MCTP1: variants seen among roughly 807,000 people sequenced by gnomAD.
MCTP1 encodes multiple C2 and transmembrane domain-containing protein 1.
Under a neutral mutation model 120.6 loss-of-function variants are expected in MCTP1, and 69 were observed. That is an observed-to-expected ratio of 0.57 (90% CI 0.47 to 0.70). MCTP1 has a LOEUF of 0.70. Ranked by LOEUF, MCTP1 falls within the 30% of genes least tolerant of loss-of-function variation. MCTP1 has a pLI of 0.00. For synonymous variants in MCTP1, 529 were observed against 493.1 expected, an observed-to-expected ratio of 1.07 and a Z score of -0.96; for missense variants, 1,203 against 1,248.8, an observed-to-expected ratio of 0.96 and a Z score of 0.55.
At chr5:95,209,873 CT>C (rs1282009623) in intron 1 of MCTP1, among the ~76,000 whole-genome samples, 2 of 152,190 alleles carry the variant, frequency 1.3e-5, no homozygotes, top group African/African-American at 4.8e-5. Context: ...TATGTTGTGT[CT>C]TTGTTCTTGT....
intron 1 of MCTP1, among the ~76,000 whole-genome samples, chr5:95,133,112 C>T (rs1759171502): frequency 1.3e-5 from 2 of 152,100 alleles, no homozygotes; most frequent in South Asian, 2.1e-4. Context: ...ATCATAAATA[C>T]GTTCATTCTT....
At chr5:95,132,573 T>G (rs555298558) in intron 1 of MCTP1, among the ~76,000 whole-genome samples, 200 of 152,244 alleles carry the variant, frequency 1.3e-3, no homozygotes, top group African/African-American at 4.7e-3. Flanking sequence ...CGCAGTTGCC[T>G]TCTTACAGAT....
intron 1 of MCTP1, among the ~76,000 whole-genome samples, chr5:95,119,020 C>T (rs1256999647): frequency 6.6e-6 from 1 of 152,204 alleles, no homozygotes; most frequent in Non-Finnish European, 1.5e-5. Context: ...TTAATCTGCA[C>T]TACAGAACAC....
chr5:95,022,941 C>T (rs566089830), intron 1 of MCTP1, among the ~76,000 whole-genome samples: 14 of 152,052 alleles, frequency 9.2e-5, no homozygotes, highest in Non-Finnish European at 2.1e-4. Flanking sequence ...ATAAAGATAA[C>T]CATGGAGCAG....
chr5:95,196,179 CTG>C (rs1750373908), intron 1 of MCTP1, among the ~76,000 whole-genome samples: 1 of 152,132 alleles, frequency 6.6e-6, no homozygotes, highest in African/African-American at 2.4e-5. Context: ...CTCTCCAAGT[CTG>C]TGCTGAATAA....
chr5:95,105,116 G>C (rs1756993048), intron 1 of MCTP1, among the ~76,000 whole-genome samples: 1 of 152,172 alleles, frequency 6.6e-6, no homozygotes, highest in Admixed American at 6.6e-5. Flanking sequence ...ACTCAGGATA[G>C]TGCCAATGAA....
At chr5:94,774,398 C>T (rs1353649943) in intron 19 of MCTP1, among the ~76,000 whole-genome samples, 8 of 152,032 alleles carry the variant, frequency 5.3e-5, no homozygotes, top group Non-Finnish European at 1.2e-4. Context: ...GGGAGAGACT[C>T]AACCCAACAG....
At chr5:94,733,374 A>G (rs981995424) in intron 19 of MCTP1, among the ~76,000 whole-genome samples, 1 of 152,234 alleles carries the variant, frequency 6.6e-6, no homozygotes, top group African/African-American at 2.4e-5. Flanking sequence ...GCACAGCAAT[A>G]CGATCAATAC....
chr5:95,048,774 T>C (rs948141406), intron 1 of MCTP1, among the ~76,000 whole-genome samples: 4 of 152,138 alleles, frequency 2.6e-5, no homozygotes, highest in African/African-American at 9.7e-5. Flanking sequence ...AGTTCTAGAA[T>C]TTGATTCATC....
chr5:94,750,439 T>G (rs1337428105), intron 19 of MCTP1, among the ~76,000 whole-genome samples: 1 of 152,220 alleles, frequency 6.6e-6, no homozygotes, highest in Non-Finnish European at 1.5e-5. Context: ...TATACAAATA[T>G]TCTGGCCATC....
At chr5:95,235,880 G>A (rs1755487923) in intron 1 of MCTP1, among the ~76,000 whole-genome samples, 1 of 152,154 alleles carries the variant, frequency 6.6e-6, no homozygotes, top group Non-Finnish European at 1.5e-5. Flanking sequence ...GCCTCCCTGA[G>A]CTACTTCTGA....
chr5:95,227,269 G>A (rs928039012), intron 1 of MCTP1, among the ~76,000 whole-genome samples: 9 of 152,084 alleles, frequency 5.9e-5, no homozygotes, highest in African/African-American at 1.9e-4. Context: ...AACAGACATC[G>A]TGACTGTTTA....
chr5:94,779,311 A>G (rs149261206), intron 18 of MCTP1, 148 bp from the exon 19 acceptor site: 2 of 684,624 alleles, frequency 2.9e-6, no homozygotes, highest in Non-Finnish European at 5.2e-6. Context: ...AGTGATTAGG[A>G]AAATGCTCTG....
intron 1 of MCTP1, among the ~76,000 whole-genome samples, chr5:95,042,800 T>C (rs533000818): frequency 2.0e-5 from 3 of 152,328 alleles, no homozygotes; most frequent in African/African-American, 7.2e-5. Flanking sequence ...CTGATGTCAA[T>C]ACATTCAGCT....
At chr5:94,942,454 G>T in intron 3 of MCTP1, 27 bp from the exon 4 acceptor site, 1 of 1,497,568 alleles carries the variant, frequency 6.7e-7, no homozygotes, top group Non-Finnish European at 9.3e-7. Context: ...AAAAAGCCTT[G>T]TTATAAATAT....
intron 1 of MCTP1, among the ~76,000 whole-genome samples, chr5:95,241,549 T>G (rs971062281): frequency 6.6e-6 from 1 of 152,130 alleles, no homozygotes; most frequent in African/African-American, 2.4e-5. Flanking sequence ...AATATTTTAG[T>G]GGGGGAAAGC....
chr5:94,912,668 C>T, intron 9 of MCTP1, 138 bp downstream of exon 9: 1 of 640,670 alleles, frequency 1.6e-6, no homozygotes, highest in Non-Finnish European at 2.4e-6. Context: ...AATTATTGGT[C>T]TTGTTTTCTG....
intron 18 of MCTP1, among the ~76,000 whole-genome samples, chr5:94,787,742 G>C (rs1332079521): frequency 6.6e-6 from 1 of 151,814 alleles, no homozygotes; most frequent in Non-Finnish European, 1.5e-5. Flanking sequence ...TCAGCCTTCC[G>C]AGTAGCTGGG....
At chr5:94,895,090 A>G (rs1439020425) in intron 10 of MCTP1, among the ~76,000 whole-genome samples, 1 of 152,178 alleles carries the variant, frequency 6.6e-6, no homozygotes, top group Non-Finnish European at 1.5e-5. Context: ...CTGTCACGGT[A>G]TTCATAAAGT....
Sources: gnomAD v4.1 joint callset for allele counts (sites outside exome capture counted in the v4.1 genomes callset) on GRCh38, gnomAD v4.1.1 for gene constraint, MANE v1.5 for transcripts, NCBI Gene and HGNC (gene_info 2026-07-23, HGNC 2026-07-21) for gene names.